Variants in MAP3K15 observed in about 807,000 individuals in gnomAD.
The protein encoded by MAP3K15 is mitogen-activated protein kinase kinase kinase 15.
MAP3K15 carries 124 observed loss-of-function variants against 99.5 expected under a neutral mutation model. The observed-to-expected ratio is 1.25, with a 90% confidence interval of 1.08 to 1.45. MAP3K15 has a LOEUF of 1.45. MAP3K15 is among the 40% of genes most tolerant of loss of function. The pLI, the probability that MAP3K15 is intolerant of heterozygous loss-of-function variation, is 0.00. For synonymous variants in MAP3K15, 494 were observed against 439.6 expected (o/e 1.12, Z -1.55); for missense variants, 1,242 against 1,079.7 (o/e 1.15, Z -2.11).
chrX:19,371,637 TC>T, intron 22 of MAP3K15, 107 bp from the exon 23 acceptor site: 1 of 743,596 alleles, frequency 1.3e-6, no homozygotes, highest in South Asian at 2.8e-5. Flanking sequence ...CTTGTGGAAC[TC>T]CCAGGTGAGA....
intron 9 of MAP3K15, among the ~76,000 whole-genome samples, chrX:19,419,510 C>A (rs1394402631): frequency 1.8e-5 from 2 of 110,052 alleles, no homozygotes; most frequent in Non-Finnish European, 3.8e-5. Flanking sequence ...ATATATGCAC[C>A]CAATACAGGA....
chrX:19,468,473 T>C (rs935488001), intron 3 of MAP3K15, among the ~76,000 whole-genome samples: 14 of 111,978 alleles, frequency 1.3e-4, no homozygotes, highest in African/African-American at 4.2e-4. Flanking sequence ...ATACAGAAGA[T>C]TAGTCAGAAA....
intron 21 of MAP3K15, 190 bp from the exon 22 acceptor site, chrX:19,373,017 CAGA>C (rs1230253087): frequency 4.2e-5 from 8 of 189,249 alleles, no homozygotes; most frequent in Non-Finnish European, 6.1e-5. Flanking sequence ...GGAGGGAGAG[CAGA>C]AGGAGGGGGA....
chrX:19,514,503 C>T (rs1318745423), intron 1 of MAP3K15, among the ~76,000 whole-genome samples: 2 of 43,167 alleles, frequency 4.6e-5, no homozygotes, highest in African/African-American at 1.1e-4. Context: ...AAAGGCAGGA[C>T]GGTCCTGTTG....
In MAP3K15 at chrX:19,488,974, T is replaced by A; in HGVS notation, c.362-7A>T. Reference sequence around the variant, plus strand: ...ATGTCTACCACAGCAACATCTGCAATGAACAAGGAGAGGACAGGATTAGGG... The same window carrying A: ...ATGTCTACCACAGCAACATCTGCAAAGAACAAGGAGAGGACAGGATTAGGG... On this transcript the variant is annotated splice_polypyrimidine_tract_variant and splice_region_variant and intron_variant, in intron 1 of 28. Coordinates refer to ENST00000338883, the MANE Select transcript of MAP3K15 (RefSeq NM_001001671.4). 8.4e-7 allele frequency: 1 copy of A among 1,196,846 alleles called. No individual in the cohort carries two copies. Among genetic ancestry groups the A allele is most frequent in the Non-Finnish European group, 1.1e-6 (1 of 893,015 alleles).
intron 25 of MAP3K15, among the ~76,000 whole-genome samples, chrX:19,367,544 G>A (rs748380205): frequency 7.1e-4 from 56 of 78,539 alleles, no homozygotes; most frequent in Non-Finnish European, 9.9e-4. Context: ...AAAAAGAAAT[G>A]ATTAGATGAT....
At chrX:19,391,968 A>T in intron 18 of MAP3K15, 34 bp downstream of exon 18, 1 of 1,049,698 alleles carries the variant, frequency 9.5e-7, no homozygotes. Context: ...TAACTCTGGG[A>T]TGGGCACCCT....
chrX:19,415,342 G>A, intron 9 of MAP3K15, 85 bp from the exon 10 acceptor site: 1 of 889,772 alleles, frequency 1.1e-6, no homozygotes, highest in Non-Finnish European at 1.5e-6. Context: ...CTTTCCAAAA[G>A]CTTTTATTCA....
intron 1 of MAP3K15, among the ~76,000 whole-genome samples, chrX:19,492,805 AAAAATAC>A (rs1291774297): frequency 3.6e-5 from 4 of 110,425 alleles, no homozygotes; most frequent in African/African-American, 6.6e-5. Flanking sequence ...CGTCTCTACT[AAAAATAC>A]AAAAAATTAG....
intron 18 of MAP3K15, among the ~76,000 whole-genome samples, chrX:19,385,519 G>T (rs780560634): frequency 8.1e-5 from 9 of 110,785 alleles, no homozygotes; most frequent in Admixed American, 1.9e-4. Flanking sequence ...AGGAGGTAGG[G>T]ATCATTGGGG....
In MAP3K15 at chrX:19,392,444, AT is replaced by A. The variant is rs746271832; in HGVS notation, c.2223del (p.Lys741AsnfsTer5). 4.1e-6 allele frequency: 5 copies of A among 1,210,955 alleles called. No homozygotes were observed. The highest frequency in any genetic ancestry group is 2.2e-5 in the Admixed American group (1 of 45,991). On this transcript the variant is annotated frameshift_variant, in exon 17 of 29. Coordinates refer to ENST00000338883, the MANE Select transcript of MAP3K15 (RefSeq NM_001001671.4). LOFTEE classifies it high-confidence loss of function. ...ATTGTCGGTTCCTTCATCGGCCCCC[AT>A]TTGGATCGCAGAAGAGCAGAAAGGC... ...GGSLSALLRSKWGPMKEPTIK... is the reference protein window; with the variant it reads ...GGSLSALLRSXWGPMKEPTIK...
intron 3 of MAP3K15, among the ~76,000 whole-genome samples, chrX:19,481,276 G>GTTT (rs768260738): frequency 9.6e-6 from 1 of 104,275 alleles, no homozygotes. Flanking sequence ...TGACAAGACA[G>GTTT]TTTTTTTTTT....
At chrX:19,410,336 ATGT>A (rs2063678061) in intron 11 of MAP3K15, among the ~76,000 whole-genome samples, 1 of 112,626 alleles carries the variant, frequency 8.9e-6, no homozygotes, top group Non-Finnish European at 1.9e-5. Context: ...ACTTGCAAAA[ATGT>A]TGGGAGAGGC....
chrX:19,390,682 C>A (rs1174012678), intron 18 of MAP3K15, among the ~76,000 whole-genome samples: 2 of 105,838 alleles, frequency 1.9e-5, no homozygotes, highest in Non-Finnish European at 3.8e-5. Flanking sequence ...CCAAAGTGCC[C>A]AGCCTATGAA....
chrX:19,411,994 C>G (rs192931140), intron 11 of MAP3K15, among the ~76,000 whole-genome samples: 347 of 112,003 alleles, frequency 3.1e-3, no homozygotes, highest in African/African-American at 0.011. Flanking sequence ...CATAGAAAGG[C>G]TAAGTGTACT....
chrX:19,371,559 G>C (rs2063376116), intron 22 of MAP3K15, 29 bp from the exon 23 acceptor site: 1 of 1,158,078 alleles, frequency 8.6e-7, no homozygotes, highest in Non-Finnish European at 1.2e-6. Context: ...CATTTTCATT[G>C]AGTCAGATTG....
chrX:19,396,144 T>C (rs1166778192), intron 15 of MAP3K15, among the ~76,000 whole-genome samples: 2 of 111,866 alleles, frequency 1.8e-5, no homozygotes, highest in African/African-American at 6.5e-5. Context: ...AGGCAAAGCA[T>C]CTGCATTTGC....
intron 1 of MAP3K15, among the ~76,000 whole-genome samples, chrX:19,508,925 T>C (rs968030923): frequency 1.3e-4 from 14 of 111,681 alleles, no homozygotes; most frequent in Admixed American, 6.7e-4. Context: ...TAAAAATAAA[T>C]ATTTAAAAAT....
At chrX:19,409,503 G>A (rs2063671330) in intron 12 of MAP3K15, among the ~76,000 whole-genome samples, 1 of 110,636 alleles carries the variant, frequency 9.0e-6, no homozygotes, top group South Asian at 4.0e-4. Context: ...ACCACCTCAT[G>A]CCCTCCCTGA....
Sources: gnomAD v4.1 joint callset for allele counts (sites outside exome capture counted in the v4.1 genomes callset) on GRCh38, gnomAD v4.1.1 for gene constraint, MANE v1.5 for transcripts, NCBI Gene and HGNC (gene_info 2026-07-23, HGNC 2026-07-21) for gene names.